The following PCNX2 variants were observed in gnomAD, a reference collection of about 807,000 sequenced individuals.
The protein encoded by PCNX2 is pecanex-like protein 2.
A neutral mutation model predicts 223.8 loss-of-function variants in PCNX2; 168 were observed. That is an observed-to-expected ratio of 0.75 (90% CI 0.66 to 0.85). PCNX2 has a LOEUF of 0.85. Ranked by LOEUF, PCNX2 falls within the 40% of genes least tolerant of loss-of-function variation. The pLI, the probability that PCNX2 is intolerant of heterozygous loss-of-function variation, is 0.00. For synonymous variants in PCNX2, 1,006 were observed against 1,052.6 expected, an observed-to-expected ratio of 0.96 and a Z score of 0.86; for missense variants, 2,507 against 2,675.5, an observed-to-expected ratio of 0.94 and a Z score of 1.39.
intron 21 of PCNX2, among the ~76,000 whole-genome samples, chr1:233,114,416 C>T (rs79962548): frequency 0.017 from 2,553 of 152,298 alleles, 29 homozygotes; most frequent in East Asian, 0.044. Flanking sequence ...GAGGTCAGAG[C>T]AAGAACGGAG....
chr1:233,291,716 G>C, intron 1 of PCNX2: 2 of 984,712 alleles, frequency 2.0e-6, no homozygotes, highest in Non-Finnish European at 2.4e-6. Flanking sequence ...TGCCCCTGCT[G>C]TAAAGAACAC....
intron 19 of PCNX2, among the ~76,000 whole-genome samples, chr1:233,149,917 A>C (rs916131385): frequency 1.3e-5 from 2 of 151,162 alleles, no homozygotes; most frequent in African/African-American, 4.9e-5. Context: ...TTTCTACTCC[A>C]TTTCCTTTAC....
rs539875782 is a variant in PCNX2, at chr1:233,121,967, A to T, written c.3837+13046T>A. On this transcript the variant is annotated intron_variant, in intron 21 of 33. Coordinates refer to ENST00000258229, the MANE Select transcript of PCNX2 (RefSeq NM_014801.4). ...AGTACCCAGATCAAACTGTTTTCCAATAAAATAGAACAGGGTTTCCTGGAG... is the reference window on the plus strand; with the variant it reads ...AGTACCCAGATCAAACTGTTTTCCATTAAAATAGAACAGGGTTTCCTGGAG... 7.3e-4 allele frequency among the ~76,000 whole-genome samples: 111 copies of T among 152,232 alleles called. 1 individual carries two copies. Among genetic ancestry groups the T allele is most frequent in the Admixed American group, 6.9e-3 (105 of 15,284 alleles).
At chr1:233,063,235 TCAA>T (rs138283953) in intron 23 of PCNX2, among the ~76,000 whole-genome samples, 15,946 of 151,824 alleles carry the variant, frequency 0.11, 916 homozygotes, top group East Asian at 0.16. Context: ...GACTCTGTCT[TCAA>T]CAACAACAAC....
chr1:233,301,375 A>G, the PCNX2 span, among the ~76,000 whole-genome samples: 773 of 152,320 alleles, frequency 5.1e-3, 4 homozygotes, highest in African/African-American at 0.017. Flanking sequence ...GCTTGTGACT[A>G]TCATATGCAA....
At chr1:233,034,343 T>A (rs1053795386) in intron 25 of PCNX2, among the ~76,000 whole-genome samples, 2 of 152,188 alleles carry the variant, frequency 1.3e-5, no homozygotes, top group African/African-American at 4.8e-5. Flanking sequence ...CTCTCTGTTA[T>A]GTGAGGACAC....
In PCNX2 at chr1:232,986,541, C is replaced by T. The variant is rs756433368; in HGVS notation, c.5792-1G>A. The T allele has an allele frequency of 9.9e-6, 15 of 1,516,662 alleles. No homozygotes were observed. Among genetic ancestry groups the T allele is most frequent in the Admixed American group, 4.3e-5 (2 of 46,406 alleles). 94.0% of individuals were successfully genotyped at this position (1,516,662 alleles called of 1,614,324 possible). On this transcript the variant is annotated splice_acceptor_variant, in intron 32 of 33. Coordinates refer to ENST00000258229, the MANE Select transcript of PCNX2 (RefSeq NM_014801.4). LOFTEE classifies it high-confidence loss of function. ...GACTGGCTCCTGCCTTTCCTCCTGCCTTTAAAAGAAAGCAGAACACAGAGT... is the reference window on the plus strand; with the variant it reads ...GACTGGCTCCTGCCTTTCCTCCTGCTTTTAAAAGAAAGCAGAACACAGAGT...
intron 25 of PCNX2, among the ~76,000 whole-genome samples, chr1:233,053,722 TTATAC>T (rs1305588716): frequency 6.6e-6 from 1 of 152,112 alleles, no homozygotes; most frequent in Non-Finnish European, 1.5e-5. Context: ...AAAACTGGAG[TTATAC>T]TTTCAAGATT....
At chr1:233,019,071 G>T in intron 26 of PCNX2, 1 of 985,312 alleles carries the variant, frequency 1.0e-6, no homozygotes, top group Non-Finnish European at 1.2e-6. Context: ...AGTTTACTTG[G>T]GTATCTGGTT....
In PCNX2 at chr1:233,178,949, G is replaced by A. The variant is rs543980593; in HGVS notation, c.3176+117C>T. 6.2e-6 allele frequency: 5 copies of A among 809,596 alleles called. No homozygotes were observed. In the South Asian group the frequency reaches 8.6e-5, roughly 14 times the overall value. The allele number at this position is 809,596 out of a possible 1,614,324, so 50.2% of individuals were successfully genotyped here. On this transcript the variant is annotated intron_variant, in intron 16 of 33. Coordinates refer to ENST00000258229, the MANE Select transcript of PCNX2 (RefSeq NM_014801.4). ...GTGAGTGACCAGCTAGTTTAATAAT[G>A]AGAGTCAAATCACAATGGGCAGTGA...
chr1:233,220,482 C>T (rs370488815), intron 10 of PCNX2, among the ~76,000 whole-genome samples: 9 of 152,094 alleles, frequency 5.9e-5, no homozygotes, highest in African/African-American at 1.4e-4. Context: ...GCCATTCTAA[C>T]GGGTGTGTAG....
At chr1:233,174,494 T>C (rs1380836025) in intron 17 of PCNX2, among the ~76,000 whole-genome samples, 2 of 151,880 alleles carry the variant, frequency 1.3e-5, no homozygotes, top group African/African-American at 2.4e-5. Flanking sequence ...TGGCATTTTA[T>C]ATAGTACTTC....
At chr1:233,096,229 G>C (rs562884179) in intron 21 of PCNX2, among the ~76,000 whole-genome samples, 4 of 152,136 alleles carry the variant, frequency 2.6e-5, no homozygotes, top group African/African-American at 9.7e-5. Flanking sequence ...ACATTGTTGA[G>C]GTTTTTGCGT....
intron 1 of PCNX2, among the ~76,000 whole-genome samples, chr1:233,275,730 T>C (rs188052570): frequency 1.0e-3 from 154 of 152,174 alleles, no homozygotes; most frequent in African/African-American, 3.6e-3. Context: ...GCAGCATTAT[T>C]TATAATAGAC....
rs1670024996 is a variant in PCNX2, at chr1:233,000,020, G to A, written c.5328+285C>T. On this transcript the variant is annotated intron_variant, in intron 30 of 33. Coordinates refer to ENST00000258229, the MANE Select transcript of PCNX2 (RefSeq NM_014801.4). This position sits in a 1 kb window ranked among gnomAD's most constrained non-coding sequence, Gnocchi z 4.6. ...AGTCTTTACAAATAAGCTATATCCT[G>A]ACTCTCACTTACATGTGTGTCTACT... Among the ~76,000 whole-genome samples, 1 of 152,236 alleles carries A rather than the reference G, an allele frequency of 6.6e-6. No homozygotes were observed. The highest frequency in any genetic ancestry group is 2.1e-4 in the South Asian group (1 of 4,836).
At chr1:232,998,156 C>G in intron 32 of PCNX2, 95 bp downstream of exon 32, 1 of 1,276,632 alleles carries the variant, frequency 7.8e-7, no homozygotes, top group Non-Finnish European at 1.0e-6. Context: ...CAAGAAGGTG[C>G]TCTCAGAGGT....
the PCNX2 span, among the ~76,000 whole-genome samples, chr1:233,315,300 G>A: frequency 9.5e-4 from 144 of 151,968 alleles, no homozygotes; most frequent in African/African-American, 3.4e-3. Context: ...GAAAGAAACC[G>A]GAACTACACA....
At chr1:233,112,051 A>G (rs1009602395) in intron 21 of PCNX2, among the ~76,000 whole-genome samples, 2 of 152,182 alleles carry the variant, frequency 1.3e-5, no homozygotes, top group Non-Finnish European at 2.9e-5. Flanking sequence ...TTCAAATTTT[A>G]TAGTAACTAT....
At chr1:233,112,538 C>T (rs1408113841) in intron 21 of PCNX2, among the ~76,000 whole-genome samples, 1 of 152,226 alleles carries the variant, frequency 6.6e-6, no homozygotes, top group Non-Finnish European at 1.5e-5. Flanking sequence ...CCAGCTCTGG[C>T]TCTTCAATTC....
Sources: gnomAD v4.1 joint callset for allele counts (sites outside exome capture counted in the v4.1 genomes callset) on GRCh38, gnomAD v4.1.1 for gene constraint, Gnocchi (gnomAD v3.1) non-coding constraint, MANE v1.5 for transcripts, NCBI Gene and HGNC (gene_info 2026-07-23, HGNC 2026-07-21) for gene names.